LRRC37A2: variants seen among roughly 807,000 people sequenced by gnomAD.
LRRC37A2 encodes leucine-rich repeat-containing protein 37A2.
In LRRC37A2, 9 loss-of-function variants were observed where a neutral mutation model predicts 68.8. The ratio of observed to expected loss-of-function variants is 0.13; its 90% CI spans 0.08 to 0.23. The LOEUF (loss-of-function observed/expected upper bound fraction) is 0.23, where lower values mean the gene tolerates loss of function less well. Ranked by LOEUF, LRRC37A2 falls within the 10% of genes least tolerant of loss-of-function variation. The pLI is 1.00. For missense variants in LRRC37A2, 168 were observed against 950.4 expected, an observed-to-expected ratio of 0.18 and a Z score of 10.82; for synonymous variants, 63 against 367.6, an observed-to-expected ratio of 0.17 and a Z score of 9.48.
chr17:46,708,108 G>C, the LRRC37A2 span, among the ~76,000 whole-genome samples: 2 of 151,960 alleles, frequency 1.3e-5, no homozygotes, highest in African/African-American at 4.8e-5. Context: ...TGGCAGCCAG[G>C]CTTCTGCCAC....
At chr17:46,499,359 C>T in the LRRC37A2 span, among the ~76,000 whole-genome samples, 3 of 144,496 alleles carry the variant, frequency 2.1e-5, no homozygotes, top group African/African-American at 5.3e-5. Context: ...TGTTACTCTT[C>T]TTCCTTCTAG....
At chr17:46,971,387 T>C in the LRRC37A2 span, among the ~76,000 whole-genome samples, 1 of 152,028 alleles carries the variant, frequency 6.6e-6, no homozygotes, top group Non-Finnish European at 1.5e-5. Context: ...AAGGACACAC[T>C]CCATGGCTTC....
At chr17:46,779,094 CACACA>C in the LRRC37A2 span, among the ~76,000 whole-genome samples, 2 of 148,282 alleles carry the variant, frequency 1.3e-5, no homozygotes, top group East Asian at 2.1e-4. Context: ...CACACACACA[CACACA>C]CACACCCCAG....
the LRRC37A2 span, among the ~76,000 whole-genome samples, chr17:47,028,999 C>T: frequency 3.3e-5 from 5 of 151,638 alleles, no homozygotes; most frequent in South Asian, 8.4e-4. Context: ...GCCAACATGG[C>T]GAAACCTCAT....
chr17:46,539,623 CGTG>C (rs1287399672), intron 6 of LRRC37A2, among the ~76,000 whole-genome samples: 1 of 138,386 alleles, frequency 7.2e-6, no homozygotes, highest in African/African-American at 2.8e-5. Flanking sequence ...ATTAGCTGGG[CGTG>C]GTGGTGGGTG....
the LRRC37A2 span, among the ~76,000 whole-genome samples, chr17:46,820,460 G>A: frequency 6.6e-6 from 1 of 151,906 alleles, no homozygotes; most frequent in African/African-American, 2.4e-5. Flanking sequence ...CTGAGCCACC[G>A]GTGTGAGGAA....
chr17:46,714,596 C>G, the LRRC37A2 span, among the ~76,000 whole-genome samples: 2 of 152,202 alleles, frequency 1.3e-5, no homozygotes, highest in Admixed American at 1.3e-4. Context: ...GACTGTAAGA[C>G]CATTTGGTCC....
At chr17:46,915,311 A>G in the LRRC37A2 span, among the ~76,000 whole-genome samples, 2 of 152,202 alleles carry the variant, frequency 1.3e-5, no homozygotes, top group South Asian at 2.1e-4. Flanking sequence ...CCTTTCCAGC[A>G]TGGTGGCCTC....
chr17:47,018,159 C>A, the LRRC37A2 span: 58 of 1,592,180 alleles, frequency 3.6e-5, no homozygotes, highest in South Asian at 6.0e-4. Flanking sequence ...CCAAACCCAG[C>A]AGGAGACCCC....
chr17:46,923,936 T>C, the LRRC37A2 span: 3 of 398,424 alleles, frequency 7.5e-6, no homozygotes, highest in Non-Finnish European at 1.3e-5. Flanking sequence ...TTTTACCCTG[T>C]TTTGGAGGGA....
At chr17:47,031,272 G>GT in the LRRC37A2 span, among the ~76,000 whole-genome samples, 1 of 148,446 alleles carries the variant, frequency 6.7e-6, no homozygotes, top group African/African-American at 2.5e-5. Context: ...CCATATCGAG[G>GT]TTTTGCATTG....
the LRRC37A2 span, among the ~76,000 whole-genome samples, chr17:46,858,417 ATCTCTG>A: frequency 6.6e-6 from 1 of 152,146 alleles, no homozygotes; most frequent in African/African-American, 2.4e-5. Context: ...TACCCAAGAA[ATCTCTG>A]CCTACCCAAA....
At chr17:46,868,893 A>G in the LRRC37A2 span, among the ~76,000 whole-genome samples, 5 of 152,258 alleles carry the variant, frequency 3.3e-5, no homozygotes, top group South Asian at 2.1e-4. Context: ...CCTTCCCAGC[A>G]GAAGCCATGG....
chr17:46,965,952 G>A, the LRRC37A2 span, among the ~76,000 whole-genome samples: 1 of 152,020 alleles, frequency 6.6e-6, no homozygotes, highest in African/African-American at 2.4e-5. Flanking sequence ...TCTTTAATAT[G>A]TCCTGCTGTT....
At chr17:46,851,110 C>A in the LRRC37A2 span, among the ~76,000 whole-genome samples, 7 of 152,268 alleles carry the variant, frequency 4.6e-5, no homozygotes, top group Middle Eastern at 6.8e-3. This position sits in a 1 kb window ranked among gnomAD's most constrained non-coding sequence, Gnocchi z 4.3. Context: ...CCTGAGTCTG[C>A]GGGCTGCGGC....
the LRRC37A2 span, chr17:46,978,661 A>G: frequency 6.2e-7 from 1 of 1,607,530 alleles, no homozygotes. Flanking sequence ...CAGCCCCAGG[A>G]TGGCTGCGCC....
the LRRC37A2 span, among the ~76,000 whole-genome samples, chr17:46,834,247 G>T: frequency 6.6e-6 from 1 of 152,192 alleles, no homozygotes; most frequent in Admixed American, 6.5e-5. Context: ...ATCTCCATGA[G>T]GTGGTAACCA....
At chr17:46,779,360 G>C in the LRRC37A2 span, among the ~76,000 whole-genome samples, 3 of 152,172 alleles carry the variant, frequency 2.0e-5, no homozygotes, top group African/African-American at 7.2e-5. Context: ...AGCTGGTGAG[G>C]GGGAGGGCGG....
chr17:46,957,049 T>C, the LRRC37A2 span, among the ~76,000 whole-genome samples: 3 of 152,130 alleles, frequency 2.0e-5, no homozygotes, highest in East Asian at 1.9e-4. Context: ...TGGCTCACAC[T>C]TGTAGTCCCA....
Sources: allele counts gnomAD v4.1 joint callset (sites outside exome capture counted in the v4.1 genomes callset), GRCh38; gene constraint gnomAD v4.1.1; non-coding constraint Gnocchi (gnomAD v3.1); transcripts MANE v1.5; gene names NCBI Gene and HGNC (gene_info 2026-07-23, HGNC 2026-07-21).